AGBL1: variants seen among roughly 807,000 people sequenced by gnomAD.
AGBL1 encodes cytosolic carboxypeptidase 4.
In AGBL1, 130 loss-of-function variants were observed where a neutral mutation model predicts 118.9. The ratio of observed to expected loss-of-function variants is 1.09; its 90% CI spans 0.95 to 1.26. AGBL1 has a LOEUF of 1.26. Ranked by LOEUF, AGBL1 falls within the 50% of genes most tolerant of loss-of-function variation. The pLI is 0.00. For synonymous variants in AGBL1, 555 were observed against 478.9 expected (o/e 1.16, Z -2.08); for missense variants, 1,584 against 1,298.1 (o/e 1.22, Z -3.38).
chr15:86,169,463 A>G (rs1274155779), intron 5 of AGBL1, among the ~76,000 whole-genome samples: 1 of 152,206 alleles, frequency 6.6e-6, no homozygotes, highest in South Asian at 2.1e-4. Flanking sequence ...TTTCCTCAGT[A>G]GGGAGGAATA....
chr15:86,840,032 C>G (rs1002646977), intron 22 of AGBL1, among the ~76,000 whole-genome samples: 2 of 152,184 alleles, frequency 1.3e-5, no homozygotes, highest in Admixed American at 6.5e-5. Flanking sequence ...TCCTCAGTTA[C>G]ATGGAGCATC....
At chr15:86,558,263 TCTATAACCAG>T (rs1383816773) in intron 21 of AGBL1, among the ~76,000 whole-genome samples, 1 of 152,138 alleles carries the variant, frequency 6.6e-6, no homozygotes, top group East Asian at 1.9e-4. Context: ...CACAGCTGTG[TCTATAACCAG>T]GAATTGCTTG....
chr15:86,582,297 T>C (rs1018612427), intron 21 of AGBL1, among the ~76,000 whole-genome samples: 1 of 152,154 alleles, frequency 6.6e-6, no homozygotes, highest in Non-Finnish European at 1.5e-5. Context: ...ACAACATTAA[T>C]GGTATTTGAA....
chr15:86,846,818 C>T (rs2079326252), intron 22 of AGBL1, among the ~76,000 whole-genome samples: 1 of 152,210 alleles, frequency 6.6e-6, no homozygotes, highest in African/African-American at 2.4e-5. Context: ...AGGCGTGAGC[C>T]ACCACACCCA....
chr15:86,587,405 A>G (rs1178598114), intron 21 of AGBL1, among the ~76,000 whole-genome samples: 2 of 152,144 alleles, frequency 1.3e-5, no homozygotes, highest in Admixed American at 6.6e-5. Context: ...CTGTGGCAGC[A>G]CCGTTTCAGT....
At chr15:86,526,982 A>C (rs775553166) in intron 19 of AGBL1, among the ~76,000 whole-genome samples, 3 of 87,344 alleles carry the variant, frequency 3.4e-5, no homozygotes, top group Non-Finnish European at 6.6e-5. Context: ...AAACTACTAA[A>C]GCTATTGAAA....
chr15:86,507,386 C>T (rs2082990445), intron 18 of AGBL1, among the ~76,000 whole-genome samples: 1 of 152,082 alleles, frequency 6.6e-6, no homozygotes, highest in African/African-American at 2.4e-5. Context: ...GAGAATTCAT[C>T]CATTCATTCT....
At chr15:86,957,169 T>A (rs1358787285) in intron 23 of AGBL1, among the ~76,000 whole-genome samples, 1 of 152,090 alleles carries the variant, frequency 6.6e-6, no homozygotes, top group African/African-American at 2.4e-5. Flanking sequence ...TTCAACACAC[T>A]GAAAAATAAT....
At chr15:86,695,138 C>T (rs2086234373) in intron 22 of AGBL1, among the ~76,000 whole-genome samples, 1 of 151,892 alleles carries the variant, frequency 6.6e-6, no homozygotes, top group African/African-American at 2.4e-5. Context: ...TCCTCTTTCT[C>T]TATGTTGTGG....
rs1380485369 is a variant in AGBL1 at position 87,000,888 on chromosome 15, T to A, written c.3323+12800T>A. Among the ~76,000 whole-genome samples the A allele has an allele frequency of 2.1e-5, 3 of 145,892 alleles. No homozygotes were observed. In the Admixed American group the frequency reaches 2.1e-4, roughly 10 times the overall value. On this transcript the variant is annotated intron_variant, in intron 24 of 24. Transcript: ENST00000441037. ...TGGCATGTTCTTCCATTTGTTTGTA[T>A]CCTCTTTTATTTCCTTGAGCAGTGG...
intron 22 of AGBL1, among the ~76,000 whole-genome samples, chr15:86,705,436 T>A (rs1372510985): frequency 6.6e-6 from 1 of 152,096 alleles, no homozygotes; most frequent in African/African-American, 2.4e-5. Context: ...AACAAATAAT[T>A]TCAAACTCAT....
chr15:86,839,076 G>A (rs919006767), intron 22 of AGBL1, among the ~76,000 whole-genome samples: 3 of 151,554 alleles, frequency 2.0e-5, no homozygotes, highest in South Asian at 2.1e-4. Context: ...ATAATCCAAA[G>A]GTTGTTTGGT....
intron 23 of AGBL1, among the ~76,000 whole-genome samples, chr15:86,940,445 A>G (rs1053466081): frequency 6.6e-6 from 1 of 152,148 alleles, no homozygotes; most frequent in African/African-American, 2.4e-5. Flanking sequence ...TCATTGAATC[A>G]CAAATACTCA....
At chr15:86,884,725 C>G (rs915343276) in intron 22 of AGBL1, among the ~76,000 whole-genome samples, 1 of 152,120 alleles carries the variant, frequency 6.6e-6, no homozygotes, top group Non-Finnish European at 1.5e-5. Flanking sequence ...CGTGGGAGAA[C>G]CGCTTGAACC....
chr15:86,974,090 T>C (rs1411251939), intron 23 of AGBL1, among the ~76,000 whole-genome samples: 2 of 78,048 alleles, frequency 2.6e-5, no homozygotes, highest in African/African-American at 1.0e-4. Flanking sequence ...CATTTTAATA[T>C]ATTAAATATA....
At chr15:86,626,977 A>G (rs2084898042) in intron 21 of AGBL1, among the ~76,000 whole-genome samples, 1 of 151,320 alleles carries the variant, frequency 6.6e-6, no homozygotes, top group Admixed American at 6.6e-5. Context: ...AGCTGGGACT[A>G]CAGGTGCCTG....
intron 22 of AGBL1, among the ~76,000 whole-genome samples, chr15:86,770,055 A>C (rs2078153672): frequency 6.6e-6 from 1 of 151,976 alleles, no homozygotes; most frequent in Non-Finnish European, 1.5e-5. Flanking sequence ...ATAGGATGAA[A>C]ATATTCTGCC....
intron 5 of AGBL1, among the ~76,000 whole-genome samples, chr15:86,172,186 TAA>T (rs964515601): frequency 6.6e-6 from 1 of 152,208 alleles, no homozygotes; most frequent in East Asian, 1.9e-4. Context: ...CCTATTGAAA[TAA>T]AAAAATTAAA....
At chr15:86,592,420 A>G (rs574292619) in intron 21 of AGBL1, among the ~76,000 whole-genome samples, 1 of 152,332 alleles carries the variant, frequency 6.6e-6, no homozygotes, top group South Asian at 2.1e-4. Flanking sequence ...AGGCCAAGCA[A>G]GAGACTTGAG....
Sources: allele counts gnomAD v4.1 joint callset (sites outside exome capture counted in the v4.1 genomes callset), GRCh38; gene constraint gnomAD v4.1.1; transcripts MANE v1.5; gene names NCBI Gene and HGNC (gene_info 2026-07-23, HGNC 2026-07-21).